MYBPC1: variants seen among roughly 807,000 people sequenced by gnomAD.
MYBPC1 encodes the protein myosin binding protein C1.
In MYBPC1, 52 loss-of-function variants were observed where a neutral mutation model predicts 147.1. That is an observed-to-expected ratio of 0.35 (90% confidence interval 0.28 to 0.45). The LOEUF (loss-of-function observed/expected upper bound fraction) is 0.45. MYBPC1 is among the 20% of genes least tolerant of loss of function. MYBPC1 has a pLI of 1.00. For synonymous variants in MYBPC1, 477 were observed against 475.9 expected (o/e 1.00, Z -0.03); for missense variants, 1,228 against 1,440.3 (o/e 0.85, Z 2.39).
chr12:101,607,508 A>T (rs1169319846), intron 1 of MYBPC1, among the ~76,000 whole-genome samples: 1 of 152,114 alleles, frequency 6.6e-6, no homozygotes, highest in African/African-American at 2.4e-5. Context: ...TTATGCCTCA[A>T]ATTTCTAAAG....
chr12:101,637,730 C>G lies in MYBPC1; in HGVS notation c.665+1002C>G, dbSNP rs1395556074. ...ACAAATTACAAACACTTGAAATATACTGGGATTGTGTTTATTCTCTGTTTA... is the reference window on the plus strand; with the variant it reads ...ACAAATTACAAACACTTGAAATATAGTGGGATTGTGTTTATTCTCTGTTTA... On this transcript the variant is annotated intron_variant, in intron 10 of 31. Transcript: ENST00000361466. Among the ~76,000 whole-genome samples, 7 of 152,054 alleles carry G rather than the reference C, an allele frequency of 4.6e-5. No homozygotes were observed. The South Asian group carries it at 8.3e-4, about 18-fold the overall frequency.
chr12:101,637,697 G>A (rs73170787), intron 10 of MYBPC1, among the ~76,000 whole-genome samples: 2,673 of 152,150 alleles, frequency 0.018, 33 homozygotes, highest in Non-Finnish European at 0.029. Flanking sequence ...GTACAAATAT[G>A]CTTCATAACA....
intron 2 of MYBPC1, among the ~76,000 whole-genome samples, chr12:101,616,580 A>T (rs1886130871): frequency 6.6e-6 from 1 of 152,176 alleles, no homozygotes; most frequent in South Asian, 2.1e-4. Context: ...GTCAGATACC[A>T]TTTGCAGGTC....
At chr12:101,615,883 T>C (rs917676242) in intron 2 of MYBPC1, among the ~76,000 whole-genome samples, 3 of 152,064 alleles carry the variant, frequency 2.0e-5, no homozygotes, top group African/African-American at 7.2e-5. Flanking sequence ...TTTTTCTTTT[T>C]TCTTTGTTTT....
At chr12:101,641,806 CA>C (rs1431070779) in intron 10 of MYBPC1, among the ~76,000 whole-genome samples, 1 of 148,710 alleles carries the variant, frequency 6.7e-6, no homozygotes, top group Non-Finnish European at 1.5e-5. Flanking sequence ...GAAAAACAAA[CA>C]AAAAACTCAT....
chr12:101,635,941 GC>G (rs1292725589), intron 9 of MYBPC1, among the ~76,000 whole-genome samples: 1 of 152,168 alleles, frequency 6.6e-6, no homozygotes, highest in Admixed American at 6.5e-5. Flanking sequence ...AGTGGTGGCT[GC>G]ATGCCTAATT....
rs762880331 is a variant in MYBPC1, at chr12:101,614,529, A to C, written c.59A>C (p.Glu20Ala). ...GTGCCAGCCCCAGCCCCACCCCCGG[A>C]AGGTGAGTAAAAACACTCACTCACA... Reference protein sequence around the residue: ...NEVPAPAPPPEEPSKEKEAGT... With the variant: ...NEVPAPAPPPAEPSKEKEAGT... The change falls in exon 2 of 32, where the codon GAA (glutamate) becomes GCA (alanine). Residue 20 changes from glutamate (E) to alanine (A), a missense_variant and splice_region_variant. Physicochemically the swap from Glu to Ala is moderately radical, Grantham distance 107. Around this residue, in one of 2 missense-constraint regions of MYBPC1, gnomAD observed 151 missense variants for 126.1 expected, o/e 1.20. Coordinates refer to ENST00000361466, the MANE Select transcript of MYBPC1 (RefSeq NM_002465.4). 12 of 1,613,602 alleles carry C rather than the reference A, an allele frequency of 7.4e-6. No homozygotes were observed. The South Asian group carries it at 1.3e-4, about 18-fold the overall frequency.
At chr12:101,643,323 GT>G (rs142841573) in intron 11 of MYBPC1, among the ~76,000 whole-genome samples, 1 of 151,810 alleles carries the variant, frequency 6.6e-6, no homozygotes, top group African/African-American at 2.4e-5. Context: ...ATGTAGTAGG[GT>G]TTTTTTTAGT....
chr12:101,681,690 C>G (rs754407139), intron 29 of MYBPC1, among the ~76,000 whole-genome samples: 27 of 140,204 alleles, frequency 1.9e-4, no homozygotes, highest in Non-Finnish European at 4.1e-4. Context: ...CTCACTGCGA[C>G]CTCTGCCTCC....
intron 20 of MYBPC1, 142 bp from the exon 21 acceptor site, chr12:101,662,216 G>A (rs573438383): frequency 1.3e-5 from 9 of 678,446 alleles, no homozygotes; most frequent in East Asian, 1.1e-4. Context: ...GAATAAGATA[G>A]GTTAAAAATA....
At chr12:101,654,080 G>A in intron 18 of MYBPC1, among the ~76,000 whole-genome samples, 1 of 152,004 alleles carries the variant, frequency 6.6e-6, no homozygotes, top group Non-Finnish European at 1.5e-5. Flanking sequence ...GTGGCAGCAT[G>A]CCTCTAATTC....
At chr12:101,694,677 C>G in the MYBPC1 span, among the ~76,000 whole-genome samples, 1 of 152,044 alleles carries the variant, frequency 6.6e-6, no homozygotes, top group Non-Finnish European at 1.5e-5. Flanking sequence ...GCCTCCAGAA[C>G]TGTGAGAAAT....
rs1333516053 is a variant in MYBPC1, at chr12:101,632,103, A to C, written c.521A>C (p.Lys174Thr). The C allele has an allele frequency of 3.1e-6, 5 of 1,613,688 alleles. No homozygotes were observed. In the African/African-American group the frequency reaches 4.0e-5, roughly 13 times the overall value. Residue 174 changes from lysine (K) to threonine (T), a missense_variant, in exon 8 of 32, where the codon AAG (lysine) becomes ACG (threonine). Physicochemically the swap from Lys to Thr is moderately conservative, Grantham distance 78 (BLOSUM62 -1). This residue lies in a region of MYBPC1 where 1,077 missense variants were observed against 1,314.2 expected (regional missense o/e 0.82). Coordinates refer to ENST00000361466, the MANE Select transcript of MYBPC1 (RefSeq NM_002465.4). ...AGATGCGAGGTCACCTATAAGGATA[A>C]GTTTGACAGCTGTTCATTTGATCTT... ...NYRCEVTYKDKFDSCSFDLEV... is the reference protein window; with the variant it reads ...NYRCEVTYKDTFDSCSFDLEV...
chr12:101,649,178 G>A, intron 14 of MYBPC1, 82 bp from the exon 15 acceptor site: 5 of 1,260,238 alleles, frequency 4.0e-6, no homozygotes, highest in Non-Finnish European at 5.7e-6. Flanking sequence ...AATTCTTCAG[G>A]ATATTGCAAT....
At chr12:101,605,507 C>T (rs1398548348) in intron 1 of MYBPC1, among the ~76,000 whole-genome samples, 1 of 152,158 alleles carries the variant, frequency 6.6e-6, no homozygotes, top group African/African-American at 2.4e-5. Context: ...ATTATACACA[C>T]TAACTTTAAT....
rs887950235 is a variant in MYBPC1 at position 101,661,195 on chromosome 12, G to A, written c.1965G>A (p.Glu655=). ...CTCCAGTGGCACCGACTGTGACAGA[G>A]GTGGGAGATGACTGGTGTATCATGA... ...PDPPVAPTVT[E]VGDDWCIMNW... The change falls in exon 20 of 32, where the codon GAG becomes GAA. Residue 655 remains glutamate, a synonymous_variant. Transcript: ENST00000361466. The A allele has an allele frequency of 3.1e-6, 5 of 1,613,836 alleles. No individual in the cohort carries two copies. Among genetic ancestry groups the A allele is most frequent in the East Asian group, 2.2e-5 (1 of 44,870 alleles).
Position 101,618,396 on chromosome 12 carries a change from G to A in MYBPC1, c.103+1153G>A, listed in dbSNP as rs149304086. Among the ~76,000 whole-genome samples, 83 of 152,310 alleles carry A rather than the reference G, an allele frequency of 5.4e-4. 1 individual carries two copies. In the East Asian group the frequency reaches 0.014, roughly 25 times the overall value. ...TTTGAAGGTTATTTGCTTATGGAATGCAGACAGTGCAAACTCCTAGAACTC... is the reference window on the plus strand; with the variant it reads ...TTTGAAGGTTATTTGCTTATGGAATACAGACAGTGCAAACTCCTAGAACTC... On this transcript the variant is annotated intron_variant, in intron 3 of 31. Transcript: ENST00000361466.
In MYBPC1 at chr12:101,679,398, C is replaced by G. The variant is rs1043601493; in HGVS notation, c.3247-945C>G. Among the ~76,000 whole-genome samples the G allele has an allele frequency of 2.0e-5, 3 of 152,116 alleles. No individual in the cohort carries two copies. The South Asian group carries it at 6.2e-4, about 32-fold the overall frequency. On this transcript the variant is annotated intron_variant, in intron 28 of 31. Transcript: ENST00000361466. ...TTAGAAAGGTGTGAGGCTCAGTGAT[C>G]GCTCCCATTTGACGGGTGGAAGGAA...
intron 9 of MYBPC1, 116 bp downstream of exon 9, chr12:101,634,721 G>T: frequency 2.4e-6 from 2 of 834,666 alleles, no homozygotes; most frequent in Non-Finnish European, 4.0e-6. Context: ...ACTTTTCACC[G>T]CAAAAACACC....
Sources: gnomAD v4.1 joint callset for allele counts (sites outside exome capture counted in the v4.1 genomes callset) on GRCh38, gnomAD v4.1.1 for gene constraint, gnomAD v4.1.1 regional missense constraint, MANE v1.5 for transcripts, NCBI Gene and HGNC (gene_info 2026-07-23, HGNC 2026-07-21) for gene names.